The following STARD13 variants were observed in gnomAD, a reference collection of about 807,000 sequenced individuals.
STARD13 encodes StAR related lipid transfer domain containing 13.
In STARD13, 62 loss-of-function variants were observed where a neutral mutation model predicts 106.4. The ratio of observed to expected loss-of-function variants is 0.58; its 90% CI spans 0.48 to 0.72. The LOEUF is 0.72. Among genes scored for constraint, STARD13 ranks in the 30% least tolerant of loss-of-function variants. The pLI, the probability that STARD13 is intolerant of heterozygous loss-of-function variation, is 0.00. For synonymous variants in STARD13, 565 were observed against 553.0 expected, an observed-to-expected ratio of 1.02 and a Z score of -0.31; for missense variants, 1,387 against 1,424.0, an observed-to-expected ratio of 0.97 and a Z score of 0.42.
intron 1 of STARD13, among the ~76,000 whole-genome samples, chr13:33,301,099 C>A (rs1892692488): frequency 6.6e-6 from 1 of 152,200 alleles, no homozygotes; most frequent in South Asian, 2.1e-4. Flanking sequence ...TCTGTCTATT[C>A]CCCTAGCTTG....
the STARD13 span, among the ~76,000 whole-genome samples, chr13:33,522,203 CA>C: frequency 6.6e-6 from 1 of 151,852 alleles, no homozygotes; most frequent in Non-Finnish European, 1.5e-5. Flanking sequence ...AATGTTTTTA[CA>C]AAATAAACTT....
chr13:33,110,935 A>G (rs759578926), intron 10 of STARD13, 28 bp from the exon 11 acceptor site: 1 of 1,589,094 alleles, frequency 6.3e-7, no homozygotes, highest in East Asian at 2.2e-5. Flanking sequence ...TGAAAGGGCA[A>G]CACACTGAGC....
chr13:33,652,611 A>G, the STARD13 span, among the ~76,000 whole-genome samples: 3 of 152,246 alleles, frequency 2.0e-5, no homozygotes, highest in Non-Finnish European at 4.4e-5. Context: ...AAGCCAATAT[A>G]ATGGAGCACA....
At chr13:33,165,282 A>T in intron 3 of STARD13, 55 bp downstream of exon 3, 1 of 1,315,766 alleles carries the variant, frequency 7.6e-7, no homozygotes, top group African/African-American at 1.4e-5. Context: ...CAGTATAGTG[A>T]TGCCTGTTGC....
chr13:33,624,264 C>T, the STARD13 span, among the ~76,000 whole-genome samples: 18,432 of 152,218 alleles, frequency 0.12, 2,821 homozygotes, highest in African/African-American at 0.36. Context: ...TTGTGGTATA[C>T]TCATACAAGG....
At chr13:33,146,900 G>A (rs1018313306) in intron 3 of STARD13, among the ~76,000 whole-genome samples, 26 of 152,232 alleles carry the variant, frequency 1.7e-4, no homozygotes, top group South Asian at 1.4e-3. Flanking sequence ...CAGCATCACC[G>A]TCAGAGTAGC....
chr13:33,107,993 A>G (rs1449141098), intron 12 of STARD13, among the ~76,000 whole-genome samples: 6 of 152,208 alleles, frequency 3.9e-5, no homozygotes, highest in Admixed American at 3.9e-4. Flanking sequence ...AGAACTTGGG[A>G]ATAACCAAGC....
chr13:33,372,345 T>C, the STARD13 span, among the ~76,000 whole-genome samples: 1 of 152,178 alleles, frequency 6.6e-6, no homozygotes, highest in Non-Finnish European at 1.5e-5. Context: ...CTCTCATTTA[T>C]GTTAATCCAG....
chr13:33,645,818 C>G, the STARD13 span, among the ~76,000 whole-genome samples: 3 of 152,080 alleles, frequency 2.0e-5, no homozygotes, highest in South Asian at 6.2e-4. Context: ...CTGTGGGGGT[C>G]AACTTCTCCT....
chr13:33,507,516 A>G, the STARD13 span, among the ~76,000 whole-genome samples: 3 of 152,134 alleles, frequency 2.0e-5, no homozygotes, highest in Admixed American at 2.0e-4. Flanking sequence ...TAAGGGTTAA[A>G]AGGGCTCTTG....
chr13:33,599,154 C>T, the STARD13 span, among the ~76,000 whole-genome samples: 1 of 152,166 alleles, frequency 6.6e-6, no homozygotes, highest in African/African-American at 2.4e-5. Context: ...CTAACCCAAA[C>T]CAAGTTTATT....
chr13:33,417,422 A>G, the STARD13 span, among the ~76,000 whole-genome samples: 1 of 152,224 alleles, frequency 6.6e-6, no homozygotes, highest in African/African-American at 2.4e-5. Flanking sequence ...TGTGGCAAGT[A>G]TATACCCACA....
At chr13:33,577,048 G>A in the STARD13 span, among the ~76,000 whole-genome samples, 1 of 152,122 alleles carries the variant, frequency 6.6e-6, no homozygotes, top group African/African-American at 2.4e-5. Context: ...TTTCACAAAA[G>A]CCCTTTTAAA....
the STARD13 span, among the ~76,000 whole-genome samples, chr13:33,391,462 C>T: frequency 5.3e-5 from 8 of 152,140 alleles, no homozygotes; most frequent in African/African-American, 1.9e-4. Context: ...AGATAAATGT[C>T]CCCAGTATAC....
chr13:33,330,541 A>G (rs1049257371), intron 1 of STARD13, among the ~76,000 whole-genome samples: 17 of 152,340 alleles, frequency 1.1e-4, no homozygotes, highest in African/African-American at 4.1e-4. Context: ...GAAATCTTGC[A>G]TAAAGCAGGT....
the STARD13 span, among the ~76,000 whole-genome samples, chr13:33,584,282 C>T: frequency 6.6e-6 from 1 of 152,090 alleles, no homozygotes; most frequent in Non-Finnish European, 1.5e-5. Context: ...CTACAGGAAG[C>T]CTGATGCTGG....
intron 1 of STARD13, among the ~76,000 whole-genome samples, chr13:33,197,781 T>C (rs1436010543): frequency 6.6e-6 from 1 of 152,212 alleles, no homozygotes; most frequent in Non-Finnish European, 1.5e-5. Flanking sequence ...ATCCAAAACA[T>C]TGCCACTGAA....
chr13:33,606,789 A>ATGGC, the STARD13 span, among the ~76,000 whole-genome samples: 1 of 152,240 alleles, frequency 6.6e-6, no homozygotes, highest in African/African-American at 2.4e-5. Flanking sequence ...AATCCAGGCG[A>ATGGC]TGGCAGAGCT....
At chr13:33,549,862 T>C in the STARD13 span, among the ~76,000 whole-genome samples, 1 of 152,198 alleles carries the variant, frequency 6.6e-6, no homozygotes, top group Non-Finnish European at 1.5e-5. Flanking sequence ...AACATAGTTA[T>C]AGCCCAGAGG....
Sources: allele counts gnomAD v4.1 joint callset (sites outside exome capture counted in the v4.1 genomes callset), GRCh38; gene constraint gnomAD v4.1.1; transcripts MANE v1.5; gene names NCBI Gene and HGNC (gene_info 2026-07-23, HGNC 2026-07-21).